Variants in PDGFD observed in about 807,000 individuals in gnomAD.
PDGFD encodes platelet-derived growth factor D.
A neutral mutation model predicts 44.7 loss-of-function variants in PDGFD; 30 were observed. That is an observed-to-expected ratio of 0.67 (90% confidence interval 0.50 to 0.91). PDGFD has a LOEUF of 0.91. PDGFD is among the 40% of genes least tolerant of loss of function. PDGFD has a pLI of 0.00. For missense variants in PDGFD, 445 were observed against 457.8 expected (o/e 0.97, Z 0.25); for synonymous variants, 173 against 168.4 (o/e 1.03, Z -0.21).
At chr11:104,076,028 A>T (rs540728954) in intron 1 of PDGFD, among the ~76,000 whole-genome samples, 1 of 152,324 alleles carries the variant, frequency 6.6e-6, no homozygotes, top group South Asian at 2.1e-4. Flanking sequence ...GAGGTAACAG[A>T]ATCATGGGGC....
At chr11:104,036,436 C>A in intron 1 of PDGFD, 1 of 219,776 alleles carries the variant, frequency 4.6e-6, no homozygotes, top group Non-Finnish European at 9.2e-6. Flanking sequence ...AGGATAAGAT[C>A]CTGTCTCAAA....
intron 6 of PDGFD, among the ~76,000 whole-genome samples, chr11:103,923,088 G>A (rs377044140): frequency 6.6e-5 from 10 of 152,024 alleles, no homozygotes; most frequent in African/African-American, 1.4e-4. Flanking sequence ...TCTGTGTCAC[G>A]TAAAACATAT....
chr11:104,033,735 T>C (rs1860167930), intron 1 of PDGFD, among the ~76,000 whole-genome samples: 1 of 152,164 alleles, frequency 6.6e-6, no homozygotes, highest in Non-Finnish European at 1.5e-5. Flanking sequence ...GGAAAAAAGA[T>C]AAAGGAAAAC....
intron 3 of PDGFD, among the ~76,000 whole-genome samples, chr11:103,966,131 G>A (rs2200660): frequency 0.52 from 78,968 of 152,014 alleles, 21,058 homozygotes; most frequent in African/African-American, 0.62. Context: ...TCTAATTAGA[G>A]TCACTCTATT....
At chr11:103,979,146 C>T (rs1278956232) in intron 3 of PDGFD, among the ~76,000 whole-genome samples, 1 of 152,038 alleles carries the variant, frequency 6.6e-6, no homozygotes, top group African/African-American at 2.4e-5. Flanking sequence ...TACTTTCTTT[C>T]TGCAGTCTAA....
At position 104,000,051 on chromosome 11, in the gene PDGFD, C is replaced by A; in HGVS notation, c.329G>T (p.Arg110Met). The A allele has an allele frequency of 1.2e-6, 2 of 1,613,480 alleles. No homozygotes were observed. The highest frequency in any genetic ancestry group is 8.5e-7 in the Non-Finnish European group (1 of 1,179,634). Reference sequence around the variant, plus strand: ...CGTAAAAATTTTTTTCCCAACTTACCTACAGATATCATTTTCTGCTTCCTC... The same window carrying A: ...CGTAAAAATTTTTTTCCCAACTTACATACAGATATCATTTTCTGCTTCCTC... ...GLEEAENDIC[R>M]YDFVEVEDIS... Residue 110 changes from arginine to methionine, a missense_variant and splice_region_variant, in exon 2 of 7, where the codon AGG becomes ATG. Transcript: ENST00000393158.
chr11:104,125,604 C>T (rs1456577417), intron 1 of PDGFD, among the ~76,000 whole-genome samples: 1 of 152,072 alleles, frequency 6.6e-6, no homozygotes, highest in Non-Finnish European at 1.5e-5. Flanking sequence ...TCAAATAAAA[C>T]CACATGACAC....
intron 1 of PDGFD, among the ~76,000 whole-genome samples, chr11:104,030,346 T>G (rs1445100504): frequency 6.6e-6 from 1 of 152,152 alleles, no homozygotes; most frequent in African/African-American, 2.4e-5. Context: ...TAAAATATCT[T>G]AATAGGCTGG....
intron 1 of PDGFD, among the ~76,000 whole-genome samples, chr11:104,054,162 GGA>G (rs1860585977): frequency 6.6e-6 from 1 of 152,164 alleles, no homozygotes; most frequent in Admixed American, 6.5e-5. Context: ...TTTCATAACT[GGA>G]TTTTGACTAC....
chr11:104,025,816 G>A (rs1347920973), intron 1 of PDGFD, among the ~76,000 whole-genome samples: 3 of 152,188 alleles, frequency 2.0e-5, no homozygotes, highest in Admixed American at 2.0e-4. Context: ...AGTGCTGTTT[G>A]CTCACTCACC....
intron 1 of PDGFD, among the ~76,000 whole-genome samples, chr11:104,008,685 T>A (rs888266993): frequency 1.9e-4 from 29 of 152,100 alleles, no homozygotes; most frequent in Non-Finnish European, 2.6e-4. Flanking sequence ...TACTCAAAAG[T>A]GCTGTATAAT....
chr11:104,058,739 A>G (rs1200955757), intron 1 of PDGFD, among the ~76,000 whole-genome samples: 1 of 152,234 alleles, frequency 6.6e-6, no homozygotes, highest in Admixed American at 6.5e-5. Context: ...AAATGAGCAA[A>G]TGCCCATTGA....
At chr11:104,115,437 T>C (rs1364891869) in intron 1 of PDGFD, among the ~76,000 whole-genome samples, 4 of 151,676 alleles carry the variant, frequency 2.6e-5, no homozygotes, top group Non-Finnish European at 5.9e-5. Context: ...CTATATATAA[T>C]TGATGGACAT....
chr11:104,113,290 A>T (rs1289707124), intron 1 of PDGFD, among the ~76,000 whole-genome samples: 1 of 152,160 alleles, frequency 6.6e-6, no homozygotes, highest in Non-Finnish European at 1.5e-5. Context: ...GCCATGTCCA[A>T]ATCGAAGCTC....
intron 1 of PDGFD, among the ~76,000 whole-genome samples, chr11:104,159,759 G>C (rs1862362891): frequency 6.6e-6 from 1 of 152,114 alleles, no homozygotes; most frequent in South Asian, 2.1e-4. Context: ...CACTGAAAGG[G>C]AAAATCCTGT....
chr11:104,128,764 A>G (rs536890743), intron 1 of PDGFD, among the ~76,000 whole-genome samples: 25 of 152,226 alleles, frequency 1.6e-4, no homozygotes, highest in African/African-American at 5.5e-4. Flanking sequence ...TACCTGGAAG[A>G]TTTACTGTGA....
chr11:103,987,741 A>T (rs144901566), intron 3 of PDGFD, among the ~76,000 whole-genome samples: 1,630 of 152,268 alleles, frequency 0.011, 31 homozygotes, highest in African/African-American at 0.035. Context: ...TAGCACCATT[A>T]ACCTGCAACA....
At chr11:104,139,641 T>C (rs1264801835) in intron 1 of PDGFD, among the ~76,000 whole-genome samples, 3 of 152,280 alleles carry the variant, frequency 2.0e-5, no homozygotes, top group Middle Eastern at 3.4e-3. Context: ...CACAACATCA[T>C]TGGAATCAAC....
intron 3 of PDGFD, among the ~76,000 whole-genome samples, chr11:103,950,016 C>T (rs572251127): frequency 1.1e-3 from 161 of 152,250 alleles, no homozygotes; most frequent in African/African-American, 3.7e-3. Context: ...GAGAAGCCTA[C>T]ACTATGTACA....
Sources: allele counts gnomAD v4.1 joint callset (sites outside exome capture counted in the v4.1 genomes callset), GRCh38; gene constraint gnomAD v4.1.1; transcripts MANE v1.5; gene names NCBI Gene and HGNC (gene_info 2026-07-23, HGNC 2026-07-21).